Variants in CPA4 observed in about 807,000 individuals in gnomAD.
The protein encoded by CPA4 is carboxypeptidase A3.
In CPA4, 49 loss-of-function variants were observed where a neutral mutation model predicts 54.7. The observed-to-expected ratio is 0.90, with a 90% CI of 0.71 to 1.14. The LOEUF is 1.14. Among genes scored for constraint, CPA4 ranks in the 50% most tolerant of loss-of-function variants. The probability of loss-of-function intolerance (pLI) is 0.00; values close to 1 mark genes in which losing one functional copy is unlikely to be tolerated. For missense variants in CPA4, 487 were observed against 525.1 expected (o/e 0.93, Z 0.71); for synonymous variants, 215 against 206.8 (o/e 1.04, Z -0.34).
chr7:130,299,362 A>G lies in CPA4; in HGVS notation c.243A>G (p.Arg81=), dbSNP rs1471410913. The change falls in exon 3 of 11, where the codon AGA becomes AGG. Residue 81 remains arginine, a synonymous_variant. Coordinates refer to ENST00000222482, the MANE Select transcript of CPA4 (RefSeq NM_016352.4). ...VSLQAFKSFL[R]SQGLEYAVTI... ...TGCAGGCATTTAAATCCTTCCTGAGATCCCAGGGCTTAGAGTACGCAGTGA... is the reference window on the plus strand; with the variant it reads ...TGCAGGCATTTAAATCCTTCCTGAGGTCCCAGGGCTTAGAGTACGCAGTGA... 1 of 1,614,042 alleles carries G rather than the reference A, an allele frequency of 6.2e-7. No individual in the cohort carries two copies. Among genetic ancestry groups the G allele is most frequent in the Admixed American group, 1.7e-5 (1 of 60,016 alleles).
intron 9 of CPA4, among the ~76,000 whole-genome samples, chr7:130,311,781 C>A (rs1421352111): frequency 6.6e-6 from 1 of 152,096 alleles, no homozygotes; most frequent in Non-Finnish European, 1.5e-5. Flanking sequence ...AATGCACAGG[C>A]TTCCACTTCC....
At chr7:130,315,162 G>A (rs904989443) in intron 10 of CPA4, among the ~76,000 whole-genome samples, 4 of 152,000 alleles carry the variant, frequency 2.6e-5, no homozygotes, top group African/African-American at 9.7e-5. Flanking sequence ...GAAGGGATTA[G>A]AGGAGTCAGT....
At chr7:130,317,705 A>G (rs1473547437) in intron 10 of CPA4, among the ~76,000 whole-genome samples, 1 of 152,060 alleles carries the variant, frequency 6.6e-6, no homozygotes, top group Admixed American at 6.5e-5. Context: ...GGGCTCAAGC[A>G]ATCTGTCTGT....
In CPA4 at chr7:130,310,557, C is replaced by T. The variant is rs1793895091; in HGVS notation, c.794-230C>T. 6.6e-6 allele frequency among the ~76,000 whole-genome samples: 1 copy of T among 152,146 alleles called. No homozygotes were observed. The highest frequency in any genetic ancestry group is 1.5e-5 in the Non-Finnish European group (1 of 68,026). On this transcript the variant is annotated intron_variant, in intron 8 of 10. Coordinates refer to ENST00000222482, the MANE Select transcript of CPA4 (RefSeq NM_016352.4). This position sits in a 1 kb window ranked among gnomAD's most constrained non-coding sequence, Gnocchi z 4.3. ...TATGACAACTGCTATTGGTACAAGGCAAGGTCAACTCCAACAGTTTTTCTC... is the reference window on the plus strand; with the variant it reads ...TATGACAACTGCTATTGGTACAAGGTAAGGTCAACTCCAACAGTTTTTCTC...
intron 10 of CPA4, among the ~76,000 whole-genome samples, chr7:130,319,319 G>T (rs1794047362): frequency 6.6e-6 from 1 of 152,152 alleles, no homozygotes; most frequent in African/African-American, 2.4e-5. Context: ...GGGTTTTCAC[G>T]CTCATGTGTG....
At chr7:130,298,001 C>T (rs117425420) in intron 1 of CPA4, among the ~76,000 whole-genome samples, 7,132 of 152,232 alleles carry the variant, frequency 0.047, 223 homozygotes, top group Middle Eastern at 0.082. Flanking sequence ...TGAGACTGGC[C>T]GGCCCCGTCT....
At chr7:130,306,596 G>T (rs1793824722) in intron 6 of CPA4, among the ~76,000 whole-genome samples, 191 bp from the exon 7 acceptor site, 1 of 152,168 alleles carries the variant, frequency 6.6e-6, no homozygotes, top group African/African-American at 2.4e-5. Flanking sequence ...TGTCTCTCCA[G>T]GCTTTGAAGG....
intron 10 of CPA4, among the ~76,000 whole-genome samples, chr7:130,315,526 G>T (rs1793974841): frequency 6.6e-6 from 1 of 152,120 alleles, no homozygotes; most frequent in South Asian, 2.1e-4. Context: ...GCCTGTGCAA[G>T]TGTTTGAGTA....
At position 130,310,911 on chromosome 7, in the gene CPA4, C is replaced by T. The variant is rs543013462; in HGVS notation, c.918C>T (p.Asp306=). Residue 306 remains aspartate, a synonymous_variant, in exon 9 of 11, where the codon GAC becomes GAT. Transcript: ENST00000222482. This position sits in a 1 kb window ranked among gnomAD's most constrained non-coding sequence, Gnocchi z 4.3. ...QKHGNFKGFI[D]LHSYSQLLMY... is the part of the protein sequence containing the mutation. The stretch of plus-strand genomic sequence containing the variant: ...ATGGGAATTTCAAGGGCTTCATCGA[C>T]CTGCACAGCTACTCGCAGCTGCTGA... The T allele has an allele frequency of 6.2e-7, 1 of 1,614,168 alleles. No individual in the cohort carries two copies. The highest frequency in any genetic ancestry group is 1.1e-5 in the South Asian group (1 of 91,084).
chr7:130,301,694 T>C (rs1793740640), intron 4 of CPA4, among the ~76,000 whole-genome samples: 1 of 152,236 alleles, frequency 6.6e-6, no homozygotes, highest in Non-Finnish European at 1.5e-5. Context: ...AGGCGTATAC[T>C]TTGAGTCGTT....
chr7:130,299,391 T>C lies in CPA4; in HGVS notation c.272T>C (p.Ile91Thr), dbSNP rs776049274. 2 of 1,614,074 alleles carry C rather than the reference T, an allele frequency of 1.2e-6. No homozygotes were observed. Among genetic ancestry groups the C allele is most frequent in the Non-Finnish European group, 1.7e-6 (2 of 1,179,952 alleles). The change falls in exon 3 of 11, where the codon ATT (isoleucine) becomes ACT (threonine). Residue 91 changes from isoleucine (I) to threonine (T), a missense_variant. By Grantham distance (89) the Ile-to-Thr change is moderately conservative (BLOSUM62 -1). Coordinates refer to ENST00000222482, the MANE Select transcript of CPA4 (RefSeq NM_016352.4). ...RSQGLEYAVT[I>T]EDLQALLDNE... ...CAGGGCTTAGAGTACGCAGTGACAA[T>C]TGAGGACCTGCAGGTAGGTAGACTA...
intron 4 of CPA4, among the ~76,000 whole-genome samples, chr7:130,304,067 A>G (rs1027653667): frequency 6.6e-6 from 1 of 150,810 alleles, no homozygotes; most frequent in African/African-American, 2.4e-5. Flanking sequence ...GGGTCTCACT[A>G]TGTTGCCCAG....
chr7:130,303,896 C>T (rs1376175184), intron 4 of CPA4, among the ~76,000 whole-genome samples: 1 of 152,048 alleles, frequency 6.6e-6, no homozygotes, highest in Non-Finnish European at 1.5e-5. Context: ...CCCACCTTGG[C>T]CTCCCAAAGT....
chr7:130,312,184 G>A (rs938673246), intron 10 of CPA4, 62 bp downstream of exon 10: 1 of 1,196,780 alleles, frequency 8.4e-7, no homozygotes, highest in Non-Finnish European at 1.2e-6. Flanking sequence ...TTGAAATGGA[G>A]TGGGAGGAGG....
At chr7:130,297,183 G>A (rs1006801397) in intron 1 of CPA4, among the ~76,000 whole-genome samples, 35 of 152,242 alleles carry the variant, frequency 2.3e-4, no homozygotes, top group African/African-American at 8.2e-4. Flanking sequence ...TTGACCTCCT[G>A]GCCTCAAGCA....
At chr7:130,309,810 G>A (rs1199549698) in intron 8 of CPA4, among the ~76,000 whole-genome samples, 1 of 152,176 alleles carries the variant, frequency 6.6e-6, no homozygotes, top group African/African-American at 2.4e-5. Flanking sequence ...CTGTCATCCA[G>A]GCTGGAGTGC....
At chr7:130,309,355 G>A (rs558411266) in intron 8 of CPA4, among the ~76,000 whole-genome samples, 13 of 152,158 alleles carry the variant, frequency 8.5e-5, no homozygotes, top group South Asian at 2.1e-4. Flanking sequence ...GTGAGCAGGC[G>A]GAAGGACTCC....
chr7:130,301,394 A>C (rs1793736350), intron 4 of CPA4, among the ~76,000 whole-genome samples: 1 of 152,214 alleles, frequency 6.6e-6, no homozygotes, highest in African/African-American at 2.4e-5. Context: ...GCTAGAAACC[A>C]CTTGATATAG....
rs766899795 is a variant in CPA4 at position 130,308,367 on chromosome 7, C to A, written c.763C>A (p.Pro255Thr). The change falls in exon 8 of 11, where the codon CCA (proline) becomes ACA (threonine). Residue 255 changes from proline to threonine, a missense_variant. Pro to Thr is a conservative substitution (Grantham distance 38, BLOSUM62 -1). Coordinates refer to ENST00000222482, the MANE Select transcript of CPA4 (RefSeq NM_016352.4). ...TGGAAGCTCCTGCATTGGTGCTGAC[C>A]CAAATAGAAACTGGAACGCTAGTTT... ...NPGSSCIGADPNRNWNASFAG... is the reference protein window; with the variant it reads ...NPGSSCIGADTNRNWNASFAG... 40 of 1,613,964 alleles carry A rather than the reference C, an allele frequency of 2.5e-5. No individual in the cohort carries two copies. The highest frequency in any genetic ancestry group is 3.2e-5 in the Non-Finnish European group (38 of 1,179,990).
Sources: allele counts gnomAD v4.1 joint callset (sites outside exome capture counted in the v4.1 genomes callset), GRCh38; gene constraint gnomAD v4.1.1; non-coding constraint Gnocchi (gnomAD v3.1); transcripts MANE v1.5; gene names NCBI Gene and HGNC (gene_info 2026-07-23, HGNC 2026-07-21).